Variants in TUBD1 observed in about 807,000 individuals in gnomAD.
The protein encoded by TUBD1 is tubulin delta 1.
TUBD1 carries 38 observed loss-of-function variants against 51.2 expected under a neutral mutation model. That is an observed-to-expected ratio of 0.74 (90% CI 0.57 to 0.97). The LOEUF is 0.97. Among genes scored for constraint, TUBD1 ranks in the 50% least tolerant of loss-of-function variants. TUBD1 has a pLI of 0.00. For missense variants in TUBD1, 489 were observed against 538.4 expected, an observed-to-expected ratio of 0.91 and a Z score of 0.91; for synonymous variants, 169 against 178.2, an observed-to-expected ratio of 0.95 and a Z score of 0.41.
At chr17:59,890,052 G>GGCTGAC (rs1653357649) in intron 2 of TUBD1, among the ~76,000 whole-genome samples, 3 of 151,204 alleles carry the variant, frequency 2.0e-5, no homozygotes, top group Non-Finnish European at 4.4e-5. Context: ...CTACTCAGGA[G>GGCTGAC]ACCTGTGAAT....
intron 6 of TUBD1, 54 bp from the exon 7 acceptor site, chr17:59,866,803 A>C (rs1456607165): frequency 1.4e-6 from 2 of 1,471,796 alleles, no homozygotes; most frequent in Non-Finnish European, 9.2e-7. Context: ...TAGTTTTTTG[A>C]GATGGAGTCT....
intron 3 of TUBD1, chr17:59,885,528 T>G (rs115790283): frequency 6.7e-5 from 104 of 1,555,260 alleles, no homozygotes; most frequent in Non-Finnish European, 8.8e-5. Context: ...CCAAAGAACC[T>G]GAGTCGGTGG....
intron 6 of TUBD1, among the ~76,000 whole-genome samples, chr17:59,874,084 C>G (rs73318912): frequency 0.29 from 40,547 of 141,408 alleles, 5,630 homozygotes; most frequent in Middle Eastern, 0.46. Context: ...AGCTACTCGG[C>G]AGGCTGAGGC....
At chr17:59,869,100 C>G (rs1417649746) in intron 6 of TUBD1, among the ~76,000 whole-genome samples, 1 of 151,726 alleles carries the variant, frequency 6.6e-6, no homozygotes, top group Non-Finnish European at 1.5e-5. Context: ...CTGGTTTGTG[C>G]CATATATATA....
At chr17:59,886,259 C>T (rs529077478) in intron 2 of TUBD1, 29 bp from the exon 3 acceptor site, 33 of 1,561,628 alleles carry the variant, frequency 2.1e-5, no homozygotes, top group African/African-American at 1.8e-4. Flanking sequence ...CCAAAAACAT[C>T]GAAAGAAAAA....
At chr17:59,879,854 A>G (rs925025822) in intron 4 of TUBD1, among the ~76,000 whole-genome samples, 3 of 151,978 alleles carry the variant, frequency 2.0e-5, no homozygotes, top group Admixed American at 6.6e-5. Flanking sequence ...CCCGGGTTCA[A>G]GAGATTCTCC....
chr17:59,877,571 C>T (rs1297367637), intron 5 of TUBD1, among the ~76,000 whole-genome samples: 3 of 152,126 alleles, frequency 2.0e-5, no homozygotes, highest in Non-Finnish European at 4.4e-5. Context: ...CATTTGAGAC[C>T]AGCCTGGCCA....
intron 3 of TUBD1, chr17:59,885,378 C>A: frequency 1.2e-6 from 1 of 834,270 alleles, no homozygotes; most frequent in Non-Finnish European, 2.0e-6. Context: ...CTTGGAATGT[C>A]ATGTGTATGC....
Position 59,879,268 on chromosome 17 carries a change from C to CAA in TUBD1, c.538-936_538-935dup, listed in dbSNP as rs373101335. Among the ~76,000 whole-genome samples, 1,089 of 128,148 alleles carry CAA rather than the reference C, an allele frequency of 8.5e-3. 14 individuals are homozygous for CAA. Among genetic ancestry groups the CAA allele is most frequent in the African/African-American group, 0.017 (605 of 34,880 alleles). 84.1% of individuals were successfully genotyped at this position (128,148 alleles called of 152,430 possible). On this transcript the variant is annotated intron_variant, in intron 4 of 8. Transcript: ENST00000325752. ...GGACAACAAGAGCAAAACTCTGTCT[C>CAA]AAAAAAAAAAAAAAAAAGGAAAGAA...
chr17:59,860,429 TA>T lies in TUBD1; in HGVS notation c.1260-6del. On this transcript the variant is annotated splice_region_variant and splice_polypyrimidine_tract_variant and intron_variant, in intron 8 of 8. Coordinates refer to ENST00000325752, the MANE Select transcript of TUBD1 (RefSeq NM_016261.4). ...GTGTACTGATGAATGTAGGCTCTGG[TA>T]GAAAAAAAAAAAAAACAGAAATTAC... The T allele has an allele frequency of 6.9e-7, 1 of 1,444,888 alleles. No individual in the cohort carries two copies. Among genetic ancestry groups the T allele is most frequent in the Non-Finnish European group, 9.3e-7 (1 of 1,070,890 alleles). The allele number at this position is 1,444,888 out of a possible 1,614,324, so 89.5% of individuals were successfully genotyped here.
At chr17:59,892,365 G>C (rs1205386778) in intron 1 of TUBD1, among the ~76,000 whole-genome samples, 1 of 152,212 alleles carries the variant, frequency 6.6e-6, no homozygotes, top group African/African-American at 2.4e-5. Flanking sequence ...AACACAGCGA[G>C]ACCCTGTCTC....
chr17:59,860,087 C>G lies in TUBD1; in HGVS notation c.*235G>C, dbSNP rs1198009787. ...CTGGAGTGCAGTGGCGCGATCTCGG[C>G]TCACTGCAAGCTCCGCCTCCTGGGT... On this transcript the variant is annotated 3_prime_UTR_variant, in exon 9 of 9. Transcript: ENST00000325752. 7.8e-6 allele frequency: 2 copies of G among 256,666 alleles called. No individual in the cohort carries two copies. Among genetic ancestry groups the G allele is most frequent in the Non-Finnish European group, 1.5e-5 (2 of 137,440 alleles). The allele number at this position is 256,666 out of a possible 1,614,324, so 15.9% of individuals were successfully genotyped here.
rs150271329 is a variant in TUBD1, at chr17:59,885,442, T to G, written c.320+641A>C. On this transcript the variant is annotated intron_variant, in intron 3 of 8. Transcript: ENST00000325752. ...ATTCATGTTCTGGGTGGGGGATATG[T>G]ACCCTGTCTACCAGCCCGTGGGACC... is the stretch of plus-strand genomic sequence containing the variant. 8.6e-4 allele frequency: 1,215 copies of G among 1,417,106 alleles called. 9 individuals carry two copies. The African/African-American group carries it at 0.014, about 16-fold the overall frequency. The allele number at this position is 1,417,106 out of a possible 1,614,324, so 87.8% of individuals were successfully genotyped here. A position where few individuals can be genotyped will look rare whatever the true frequency, so the allele number is the denominator to read the frequency against.
At chr17:59,868,472 G>GATC (rs2039819421) in intron 6 of TUBD1, among the ~76,000 whole-genome samples, 1 of 151,650 alleles carries the variant, frequency 6.6e-6, no homozygotes, top group Non-Finnish European at 1.5e-5. Flanking sequence ...GAGGTGGAAG[G>GATC]ATCACTTGAA....
In TUBD1 at chr17:59,860,415, A is replaced by G. The variant is rs2144398945; in HGVS notation, c.1269T>C (p.Ile423=). The G allele has an allele frequency of 6.3e-7, 1 of 1,586,572 alleles. No homozygotes were observed. The highest frequency in any genetic ancestry group is 8.6e-7 in the Non-Finnish European group (1 of 1,160,978). ...CGATTCCAAATTTTGTGTACTGATG[A>G]ATGTAGGCTCTGGTAGAAAAAAAAA... is the stretch of plus-strand genomic sequence containing the variant. ...AWNMFASKAY[I]HQYTKFGIEE... The change falls in exon 9 of 9, where the codon ATT becomes ATC. Residue 423 remains isoleucine, a synonymous_variant. Transcript: ENST00000325752.
chr17:59,864,094 T>G (rs141827400), intron 7 of TUBD1, among the ~76,000 whole-genome samples: 17 of 151,378 alleles, frequency 1.1e-4, no homozygotes, highest in African/African-American at 4.1e-4. Flanking sequence ...ATAAAAAATA[T>G]TAGCTGTACA....
intron 5 of TUBD1, among the ~76,000 whole-genome samples, chr17:59,876,359 G>GTT (rs886233329): frequency 1.1e-4 from 15 of 133,894 alleles, no homozygotes; most frequent in African/African-American, 2.5e-4. Context: ...TTTTTTTTTT[G>GTT]TTTTTTTTTT....
At chr17:59,885,266 C>T in intron 3 of TUBD1, 1 of 563,562 alleles carries the variant, frequency 1.8e-6, no homozygotes, top group Non-Finnish European at 3.4e-6. Context: ...GAGAGGGATC[C>T]ATGGTATAGC....
At chr17:59,885,476 A>C in intron 3 of TUBD1, 1 of 1,574,790 alleles carries the variant, frequency 6.4e-7, no homozygotes, top group Non-Finnish European at 8.7e-7. Flanking sequence ...CCAAAGCAGT[A>C]TCCTTACAAT....
Sources: gnomAD v4.1 joint callset for allele counts (sites outside exome capture counted in the v4.1 genomes callset) on GRCh38, gnomAD v4.1.1 for gene constraint, MANE v1.5 for transcripts, NCBI Gene and HGNC (gene_info 2026-07-23, HGNC 2026-07-21) for gene names.